NOTCH1: variants seen among roughly 807,000 people sequenced by gnomAD.
The protein encoded by NOTCH1 is notch receptor 1, also known as neurogenic locus notch homolog protein 1.
A neutral mutation model predicts 254.8 loss-of-function variants in NOTCH1; 37 were observed. The observed-to-expected ratio is 0.15, with a 90% confidence interval of 0.11 to 0.19. The LOEUF is 0.19. Ranked by LOEUF, NOTCH1 falls within the 10% of genes least tolerant of loss-of-function variation. The probability of loss-of-function intolerance (pLI) is 1.00; values close to 1 mark genes in which losing one functional copy is unlikely to be tolerated. For synonymous variants in NOTCH1, 1,731 were observed against 1,618.1 expected (o/e 1.07, Z -1.68); for missense variants, 2,972 against 3,708.6 (o/e 0.80, Z 5.16).
chr9:136,496,815 G>C lies in NOTCH1; in HGVS notation c.6924C>G (p.Cys2308Trp), dbSNP rs756653663. 3 of 1,612,936 alleles carry C rather than the reference G, an allele frequency of 1.9e-6. No homozygotes were observed. Among genetic ancestry groups the C allele is most frequent in the Non-Finnish European group, 2.5e-6 (3 of 1,180,002 alleles). ...VGGSTSLNGQ[C>W]EWLSRLQSGM... ...CGCTCTGCAGCCGGGACAGCCACTC[G>C]CATTGACCATTCAAACTGGTGGACC... is the stretch of plus-strand genomic sequence containing the variant. The change falls in exon 34 of 34, where the codon TGC becomes TGG. Residue 2308 changes from cysteine to tryptophan, a missense_variant. Coordinates refer to ENST00000651671, the MANE Select transcript of NOTCH1 (RefSeq NM_017617.5).
chr9:136,526,987 G>A (rs142063434), intron 2 of NOTCH1, among the ~76,000 whole-genome samples: 1,741 of 152,298 alleles, frequency 0.011, 13 homozygotes, highest in Non-Finnish European at 0.017. Flanking sequence ...CACAGGGAAG[G>A]CCCCTGCCAC....
At chr9:136,511,397 C>T in intron 15 of NOTCH1, 126 bp from the exon 16 acceptor site, 1 of 1,260,040 alleles carries the variant, frequency 7.9e-7, no homozygotes, top group Non-Finnish European at 1.1e-6. Flanking sequence ...GGCAAATGTG[C>T]ACCGAGACCC....
intron 2 of NOTCH1, among the ~76,000 whole-genome samples, chr9:136,536,576 AGCCACCGCC>A (rs1472722563): frequency 6.6e-6 from 1 of 152,160 alleles, no homozygotes; most frequent in Non-Finnish European, 1.5e-5. Flanking sequence ...CCGCTGCCCC[AGCCACCGCC>A]GCTCCTTTGG....
chr9:136,507,450 C>T lies in NOTCH1; in HGVS notation c.3511-13G>A, dbSNP rs925720926. 2.5e-6 allele frequency: 4 copies of T among 1,596,308 alleles called. No individual in the cohort carries two copies. In the East Asian group the frequency reaches 9.1e-5, roughly 36 times the overall value. ...AGCCGGCCACGCACTGTGCAGGCGA[C>T]AGAACGAGGGGCCCTTCGGCTCAGC... On this transcript the variant is annotated splice_polypyrimidine_tract_variant and intron_variant, in intron 21 of 33. Coordinates refer to ENST00000651671, the MANE Select transcript of NOTCH1 (RefSeq NM_017617.5).
Position 136,517,376 on chromosome 9 carries a change from C to A in NOTCH1, c.1451G>T (p.Gly484Val). The change falls in exon 9 of 34, where the codon GGT (glycine) becomes GTT (valine). Residue 484 changes from glycine to valine, a missense_variant. Coordinates refer to ENST00000651671, the MANE Select transcript of NOTCH1 (RefSeq NM_017617.5). The part of the protein sequence containing the change: ...FQCICMPGYE[G>V]VHCEVNTDEC... Reference sequence around the variant, plus strand: ...GTCTGTGTTGACCTCGCAGTGCACACCCTCGTAGCCTGTGGGGTGGGGCAA... The same window carrying A: ...GTCTGTGTTGACCTCGCAGTGCACAACCTCGTAGCCTGTGGGGTGGGGCAA... The A allele has an allele frequency of 6.3e-7, 1 of 1,596,572 alleles. No individual in the cohort carries two copies.
chr9:136,539,999 T>C (rs1473755302), intron 2 of NOTCH1, among the ~76,000 whole-genome samples: 2 of 152,190 alleles, frequency 1.3e-5, no homozygotes, highest in East Asian at 3.8e-4. Context: ...TTAGGGACAT[T>C]CGCTTGGGAG....
At chr9:136,517,164 G>A in intron 9 of NOTCH1, 108 bp downstream of exon 9, 1 of 702,208 alleles carries the variant, frequency 1.4e-6, no homozygotes, top group South Asian at 1.7e-5. Context: ...CCCTCAGGAG[G>A]CCGGGGTGCA....
chr9:136,538,778 G>A (rs1049173724), intron 2 of NOTCH1, among the ~76,000 whole-genome samples: 4 of 152,272 alleles, frequency 2.6e-5, no homozygotes, highest in East Asian at 1.9e-4. Context: ...GTGGGCGGCC[G>A]TCTGCCAGGG....
chr9:136,533,032 A>G (rs979436925), intron 2 of NOTCH1, among the ~76,000 whole-genome samples: 1 of 152,114 alleles, frequency 6.6e-6, no homozygotes, highest in Non-Finnish European at 1.5e-5. Flanking sequence ...GCTGGGCCAG[A>G]CCCTGGAGGC....
chr9:136,531,736 T>C lies in NOTCH1; in HGVS notation c.141-7757A>G, dbSNP rs1843563880. Reference sequence around the variant, plus strand: ...CGCTGCCGGAGGAGCACTCCTGGCATCCCGGGGGCAGACGCCGCCCTCCTG... The same window carrying C: ...CGCTGCCGGAGGAGCACTCCTGGCACCCCGGGGGCAGACGCCGCCCTCCTG... On this transcript the variant is annotated intron_variant, in intron 2 of 33. Coordinates refer to ENST00000651671, the MANE Select transcript of NOTCH1 (RefSeq NM_017617.5). Among the ~76,000 whole-genome samples the C allele has an allele frequency of 2.6e-5, 4 of 152,292 alleles. No individual in the cohort carries two copies. In the South Asian group the frequency reaches 6.2e-4, roughly 24 times the overall value.
intron 4 of NOTCH1, among the ~76,000 whole-genome samples, chr9:136,522,339 A>C (rs1322012873): frequency 1.3e-5 from 2 of 152,172 alleles, no homozygotes; most frequent in African/African-American, 4.8e-5. Flanking sequence ...TACTCAAACA[A>C]GAACTACAGC....
chr9:136,499,367 C>A, intron 31 of NOTCH1, 108 bp from the exon 32 acceptor site: 3 of 1,474,234 alleles, frequency 2.0e-6, no homozygotes, highest in South Asian at 1.2e-5. Flanking sequence ...CGGACACAGA[C>A]GAGACCCTCC....
At chr9:136,529,354 G>T (rs1034961884) in intron 2 of NOTCH1, among the ~76,000 whole-genome samples, 1 of 152,248 alleles carries the variant, frequency 6.6e-6, no homozygotes, top group African/African-American at 2.4e-5. Context: ...GGGGCAGGGG[G>T]AGTCCTGGGA....
rs1419467882 is a variant in NOTCH1, at chr9:136,513,400, C to G, written c.2345G>C (p.Gly782Ala). Residue 782 changes from glycine to alanine, a missense_variant, in exon 14 of 34, where the codon GGC (glycine) becomes GCC (alanine). Around this residue, in one of 8 missense-constraint regions of NOTCH1, gnomAD observed 1,343 missense variants for 1,557.0 expected, o/e 0.86. Transcript: ENST00000651671. The surrounding 1 kb of genome is among the most constrained non-coding windows in gnomAD (Gnocchi z 4.7). ...TSGYVCTCREGFSGPNCQTNI... is the reference protein window; with the variant it reads ...TSGYVCTCREAFSGPNCQTNI... ...ACGCGCAGCCCACTCACCGCTGAAG[C>G]CCTCCCGGCAGGTGCACACGTAGCC... The G allele has an allele frequency of 2.5e-6, 4 of 1,612,892 alleles. No homozygotes were observed. The South Asian group carries it at 4.4e-5, about 18-fold the overall frequency.
rs1843710633 is a variant in NOTCH1, at chr9:136,540,157, CG to C, written c.140+3866del. The stretch of plus-strand genomic sequence containing the variant: ...GCCGGGAGCTATGCCAGGCCACCAC[CG>C]GGCCGGCACACCCCCAACATGTCCC... On this transcript the variant is annotated intron_variant, in intron 2 of 33. Transcript: ENST00000651671. The surrounding 1 kb of genome is among the most constrained non-coding windows in gnomAD (Gnocchi z 4.4). Among the ~76,000 whole-genome samples, 1 of 152,218 alleles carries C rather than the reference CG, an allele frequency of 6.6e-6. No homozygotes were observed. Among genetic ancestry groups the C allele is most frequent in the African/African-American group, 2.4e-5 (1 of 41,450 alleles).
At chr9:136,512,937 A>ACC in intron 15 of NOTCH1, 84 bp downstream of exon 15, 1 of 246,648 alleles carries the variant, frequency 4.1e-6, no homozygotes, top group Non-Finnish European at 8.2e-6. Context: ...CCTCTCCAGC[A>ACC]CAGGCTCCGC....
chr9:136,516,122 G>C (rs1428843150), intron 9 of NOTCH1, 28 bp from the exon 10 acceptor site: 5 of 1,544,074 alleles, frequency 3.2e-6, no homozygotes, highest in Non-Finnish European at 2.7e-6. Context: ...AGGGGAGGGA[G>C]TCATGTGCAA....
intron 26 of NOTCH1, among the ~76,000 whole-genome samples, chr9:136,504,219 C>T (rs1381045608): frequency 6.6e-6 from 1 of 152,210 alleles, no homozygotes; most frequent in Non-Finnish European, 1.5e-5. Context: ...TTAAAAAAAA[C>T]AGAGACAAGG....
intron 30 of NOTCH1, among the ~76,000 whole-genome samples, chr9:136,501,350 C>T (rs1307814593): frequency 6.6e-6 from 1 of 151,658 alleles, no homozygotes; most frequent in African/African-American, 2.4e-5. Context: ...AGGAGAATTG[C>T]TTGAACCCGA....
Sources: allele counts gnomAD v4.1 joint callset (sites outside exome capture counted in the v4.1 genomes callset), GRCh38; gene constraint gnomAD v4.1.1; regional missense constraint gnomAD v4.1.1; non-coding constraint Gnocchi (gnomAD v3.1); transcripts MANE v1.5; gene names NCBI Gene and HGNC (gene_info 2026-07-23, HGNC 2026-07-21).